The following ANO4 variants were observed in gnomAD, a reference collection of about 807,000 sequenced individuals.
ANO4 encodes the protein anoctamin-4.
A neutral mutation model predicts 141.9 loss-of-function variants in ANO4; 69 were observed. The ratio of observed to expected loss-of-function variants is 0.49; its 90% CI spans 0.40 to 0.59. ANO4 has a LOEUF of 0.59. Ranked by LOEUF, ANO4 falls within the 20% of genes least tolerant of loss-of-function variation. The pLI, the probability that ANO4 is intolerant of heterozygous loss-of-function variation, is 0.00. For missense variants in ANO4, 894 were observed against 1,162.2 expected, an observed-to-expected ratio of 0.77 and a Z score of 3.36; for synonymous variants, 350 against 394.3, an observed-to-expected ratio of 0.89 and a Z score of 1.33.
intron 8 of ANO4, among the ~76,000 whole-genome samples, chr12:100,987,908 T>C (rs577607632): frequency 6.6e-6 from 1 of 152,302 alleles, no homozygotes; most frequent in East Asian, 1.9e-4. Flanking sequence ...ATGTGTGTGT[T>C]GGGTAAATGA....
At chr12:101,117,207 T>C (rs956210304) in intron 25 of ANO4, among the ~76,000 whole-genome samples, 1 of 152,208 alleles carries the variant, frequency 6.6e-6, no homozygotes. Context: ...CATTTCTAAA[T>C]GTTAAACAAC....
chr12:100,750,965 C>T (rs2032346983), intron 3 of ANO4, among the ~76,000 whole-genome samples: 1 of 152,038 alleles, frequency 6.6e-6, no homozygotes, highest in East Asian at 1.9e-4. Flanking sequence ...TGGAGGGAAG[C>T]ATAACCAGGC....
chr12:100,810,043 C>T (rs2035305659), intron 1 of ANO4, among the ~76,000 whole-genome samples: 1 of 152,116 alleles, frequency 6.6e-6, no homozygotes, highest in African/African-American at 2.4e-5. Flanking sequence ...AAAGCCATCC[C>T]ATTCAAATGG....
intron 3 of ANO4, among the ~76,000 whole-genome samples, chr12:100,746,757 C>G (rs937868673): frequency 6.6e-6 from 1 of 152,190 alleles, no homozygotes; most frequent in African/African-American, 2.4e-5. Context: ...CTGGGTGTTT[C>G]TTGTCCTGTG....
intron 26 of ANO4, among the ~76,000 whole-genome samples, chr12:101,124,040 C>A (rs550982221): frequency 6.6e-6 from 1 of 152,180 alleles, no homozygotes; most frequent in South Asian, 2.1e-4. Context: ...GAGGAATTGC[C>A]ACACTGTCTT....
At chr12:100,912,720 C>A (rs2041168936) in intron 2 of ANO4, among the ~76,000 whole-genome samples, 3 of 152,190 alleles carry the variant, frequency 2.0e-5, no homozygotes, top group South Asian at 4.1e-4. Context: ...CCTGGCTGTT[C>A]TCTTGAACAG....
chr12:100,738,336 T>C (rs911646180), intron 2 of ANO4, among the ~76,000 whole-genome samples: 1 of 152,200 alleles, frequency 6.6e-6, no homozygotes, highest in African/African-American at 2.4e-5. Context: ...TGTGGCTTCA[T>C]TGTTGCTTTT....
chr12:100,873,929 C>T (rs1261635414), intron 1 of ANO4, among the ~76,000 whole-genome samples: 3 of 152,218 alleles, frequency 2.0e-5, no homozygotes, highest in South Asian at 4.1e-4. Context: ...CGCTGACCTG[C>T]GCTACCTCAG....
chr12:100,883,929 G>T (rs1033572209), intron 1 of ANO4, among the ~76,000 whole-genome samples: 3 of 152,140 alleles, frequency 2.0e-5, no homozygotes, highest in Non-Finnish European at 4.4e-5. Context: ...TTTCAAATGG[G>T]CCTTAAAATA....
At chr12:100,929,290 G>T (rs567355169) in intron 3 of ANO4, among the ~76,000 whole-genome samples, 1 of 151,556 alleles carries the variant, frequency 6.6e-6, no homozygotes, top group Non-Finnish European at 1.5e-5. Context: ...CCAGCATATG[G>T]TAACCACCAT....
chr12:101,032,779 C>G (rs1169948662), intron 9 of ANO4, among the ~76,000 whole-genome samples: 1 of 151,478 alleles, frequency 6.6e-6, no homozygotes, highest in Non-Finnish European at 1.5e-5. Context: ...TATCATCTCA[C>G]ACCAGTTAGA....
At chr12:101,064,718 T>C (rs1289197282) in intron 14 of ANO4, among the ~76,000 whole-genome samples, 1 of 151,382 alleles carries the variant, frequency 6.6e-6, no homozygotes, top group African/African-American at 2.4e-5. Context: ...GTTCCCCTTT[T>C]TCCACAGTTT....
chr12:100,725,857 T>C (rs146285952), intron 1 of ANO4, among the ~76,000 whole-genome samples: 16 of 152,308 alleles, frequency 1.1e-4, no homozygotes, highest in Non-Finnish European at 1.9e-4. Context: ...AGGATATCAG[T>C]TCTGGTTCTC....
chr12:100,774,160 G>A (rs746945126), intron 3 of ANO4, among the ~76,000 whole-genome samples: 6 of 147,698 alleles, frequency 4.1e-5, no homozygotes, highest in Admixed American at 1.4e-4. Flanking sequence ...AAATATAACC[G>A]TCTGTGCATC....
At chr12:101,010,080 A>G (rs2046021871) in intron 8 of ANO4, among the ~76,000 whole-genome samples, 1 of 152,052 alleles carries the variant, frequency 6.6e-6, no homozygotes, top group African/African-American at 2.4e-5. Flanking sequence ...CTGGTTTTCT[A>G]AGTCTATTAT....
At chr12:100,839,691 A>AT (rs961725359) in intron 1 of ANO4, among the ~76,000 whole-genome samples, 113 of 150,316 alleles carry the variant, frequency 7.5e-4, no homozygotes, top group Admixed American at 1.3e-3. Context: ...CATTTTAAAG[A>AT]TTTTTTTTTT....
At chr12:100,749,682 G>A (rs1268138243) in intron 3 of ANO4, among the ~76,000 whole-genome samples, 1 of 152,164 alleles carries the variant, frequency 6.6e-6, no homozygotes, top group African/African-American at 2.4e-5. Context: ...TAATATAAGA[G>A]ACTGAAGAAC....
intron 1 of ANO4, among the ~76,000 whole-genome samples, chr12:100,842,967 T>C (rs1250899998): frequency 2.6e-5 from 4 of 152,170 alleles, no homozygotes; most frequent in Non-Finnish European, 4.4e-5. Context: ...CCTTTCTCTT[T>C]CACAAACTCC....
chr12:100,866,212 G>A (rs1011371615), intron 1 of ANO4, among the ~76,000 whole-genome samples: 9 of 152,140 alleles, frequency 5.9e-5, no homozygotes, highest in African/African-American at 2.2e-4. Flanking sequence ...CTTCACAGAG[G>A]ACACAGGAAG....
Sources: gnomAD v4.1 joint callset for allele counts (sites outside exome capture counted in the v4.1 genomes callset) on GRCh38, gnomAD v4.1.1 for gene constraint, MANE v1.5 for transcripts, NCBI Gene and HGNC (gene_info 2026-07-23, HGNC 2026-07-21) for gene names.